The following DNAH14 variants were observed in gnomAD, a reference collection of about 807,000 sequenced individuals.
DNAH14 encodes dynein axonemal heavy chain 14, also known as axonemal beta dynein heavy chain 14.
DNAH14 carries 478 observed loss-of-function variants against 520.9 expected under a neutral mutation model. That is an observed-to-expected ratio of 0.92 (90% CI 0.85 to 0.99). The LOEUF (loss-of-function observed/expected upper bound fraction) is 0.99, where lower values mean the gene tolerates loss of function less well. DNAH14 is among the 50% of genes least tolerant of loss of function. The probability of loss-of-function intolerance (pLI) is 0.00; values close to 1 mark genes in which losing one functional copy is unlikely to be tolerated. For synonymous variants in DNAH14, 1,581 were observed against 1,757.2 expected (o/e 0.90, Z 2.51); for missense variants, 4,831 against 5,234.5 (o/e 0.92, Z 2.38).
chr1:225,044,048 C>T (rs113294407), intron 15 of DNAH14, 65 bp downstream of exon 15: 5 of 917,534 alleles, frequency 5.4e-6, no homozygotes, highest in African/African-American at 5.1e-5. Flanking sequence ...TAAATTTAAG[C>T]ATCTGATGCC....
rs1336108797 is a variant in DNAH14, at chr1:225,305,024, C to T, written c.8940C>T (p.Tyr2980=). ...TTTATTATACCACTCCCAATAGCTA[C>T]TTGCAATTTATGGAAACATTTGCAC... ...GRFYYTTPNS[Y]LQFMETFAHI... Residue 2980 remains tyrosine (Y), a synonymous_variant, in exon 58 of 86, where the codon TAC becomes TAT. Transcript: ENST00000682510. 8.4e-6 allele frequency: 13 copies of T among 1,545,660 alleles called. No homozygotes were observed. Among genetic ancestry groups the T allele is most frequent in the Non-Finnish European group, 1.1e-5 (13 of 1,145,792 alleles).
intron 71 of DNAH14, among the ~76,000 whole-genome samples, chr1:225,349,509 T>G (rs1350964727): frequency 1.3e-5 from 2 of 152,144 alleles, no homozygotes; most frequent in South Asian, 2.1e-4. Flanking sequence ...AGGCATAGAT[T>G]GGCTGAATTA....
At chr1:225,180,187 A>T (rs1364030248) in intron 36 of DNAH14, among the ~76,000 whole-genome samples, 1 of 152,076 alleles carries the variant, frequency 6.6e-6, no homozygotes, top group Non-Finnish European at 1.5e-5. Flanking sequence ...TTATTTCTTG[A>T]TATAAGCATT....
intron 55 of DNAH14, among the ~76,000 whole-genome samples, chr1:225,293,520 A>G (rs936995085): frequency 1.3e-5 from 2 of 152,182 alleles, no homozygotes; most frequent in African/African-American, 2.4e-5. Flanking sequence ...TTGCTGTGAC[A>G]TGGATGGAGC....
At chr1:225,346,821 A>G (rs575589471) in intron 71 of DNAH14, among the ~76,000 whole-genome samples, 167 bp downstream of exon 71, 1 of 152,304 alleles carries the variant, frequency 6.6e-6, no homozygotes, top group Admixed American at 6.5e-5. Context: ...GAATGAATAC[A>G]TAAATGATAA....
chr1:225,203,050 C>T (rs187509767), intron 38 of DNAH14, among the ~76,000 whole-genome samples: 82 of 152,254 alleles, frequency 5.4e-4, no homozygotes, highest in African/African-American at 1.9e-3. Flanking sequence ...CTCAGTATTT[C>T]GGCTGTCTCC....
In DNAH14 at chr1:225,049,874, G is replaced by A. The variant is rs116062857; in HGVS notation, c.1913-336G>A. 4.2e-3 allele frequency among the ~76,000 whole-genome samples: 636 copies of A among 152,152 alleles called. 4 individuals are homozygous for A. The highest frequency in any genetic ancestry group is 0.015 in the African/African-American group (606 of 41,500). ...CTAGACTGTGAACTCTTGAGGCTGT[G>A]TCTCCTGATTTTTATATCCTTGTAA... On this transcript the variant is annotated intron_variant, in intron 15 of 85. Transcript: ENST00000682510.
chr1:224,978,650 CT>C (rs1384953570), intron 8 of DNAH14, among the ~76,000 whole-genome samples: 2 of 151,966 alleles, frequency 1.3e-5, no homozygotes, highest in African/African-American at 4.8e-5. Context: ...TTCTTATTTC[CT>C]TTTTTTAGAG....
intron 42 of DNAH14, among the ~76,000 whole-genome samples, chr1:225,234,878 CTT>C (rs1166351014): frequency 6.6e-6 from 1 of 152,000 alleles, no homozygotes; most frequent in Non-Finnish European, 1.5e-5. Context: ...ATGCTAGTGA[CTT>C]TTGCACATTG....
rs1438580034 is a variant in DNAH14 at position 224,936,700 on chromosome 1, T to C, written c.-34+6865T>C. Among the ~76,000 whole-genome samples, 3 of 151,472 alleles carry C rather than the reference T, an allele frequency of 2.0e-5. 1 individual carries two copies. On this transcript the variant is annotated intron_variant, in intron 1 of 85. Coordinates refer to ENST00000682510, the MANE Select transcript of DNAH14 (RefSeq NM_001367479.1). ...TTCAAGAAAAGTGAAGAGGAGGGAG[T>C]ACTTCCAACCTCATCCTACAAGGCT...
intron 11 of DNAH14, among the ~76,000 whole-genome samples, chr1:225,026,737 T>C (rs750846837): frequency 1.2e-4 from 18 of 152,176 alleles, no homozygotes; most frequent in Non-Finnish European, 2.1e-4. Context: ...GTTTTGGCTA[T>C]TGTGGGTCCC....
intron 8 of DNAH14, among the ~76,000 whole-genome samples, chr1:224,989,151 C>T (rs2062856985): frequency 6.6e-6 from 1 of 152,114 alleles, no homozygotes; most frequent in Non-Finnish European, 1.5e-5. Context: ...AGAGGGCAAT[C>T]TGTTTTACTC....
At chr1:225,128,365 A>G (rs1271786709) in intron 27 of DNAH14, among the ~76,000 whole-genome samples, 2 of 152,152 alleles carry the variant, frequency 1.3e-5, no homozygotes, top group Non-Finnish European at 2.9e-5. Flanking sequence ...CACAACCAAA[A>G]AAGAGAATTT....
At chr1:225,009,183 C>T (rs951833181) in intron 10 of DNAH14, among the ~76,000 whole-genome samples, 8 of 152,248 alleles carry the variant, frequency 5.3e-5, no homozygotes, top group African/African-American at 1.9e-4. Context: ...AGTCTTTGCC[C>T]ATGCCTATGT....
In DNAH14 at chr1:225,389,957, C is replaced by T. The variant is rs117350074; in HGVS notation, c.13330+84C>T. ...CTTCTGTCACTCACCCTTTCCTCCT[C>T]CCCTTTAGGATGACAACACCTGCGC... On this transcript the variant is annotated intron_variant, in intron 83 of 85. Coordinates refer to ENST00000682510, the MANE Select transcript of DNAH14 (RefSeq NM_001367479.1). The T allele has an allele frequency of 6.7e-4, 858 of 1,275,998 alleles. 20 individuals carry two copies. The East Asian group carries it at 0.021, about 31-fold the overall frequency. 79.0% of individuals were successfully genotyped at this position (1,275,998 alleles called of 1,614,324 possible). A position where few individuals can be genotyped will look rare whatever the true frequency, so the allele number is the denominator to read the frequency against.
At chr1:224,986,420 A>G (rs1178678775) in intron 8 of DNAH14, among the ~76,000 whole-genome samples, 1 of 152,084 alleles carries the variant, frequency 6.6e-6, no homozygotes, top group African/African-American at 2.4e-5. Flanking sequence ...TCAACAGCAT[A>G]TTAAAAAGTT....
intron 38 of DNAH14, among the ~76,000 whole-genome samples, chr1:225,196,437 T>C (rs1243514074): frequency 6.6e-6 from 1 of 152,224 alleles, no homozygotes; most frequent in Non-Finnish European, 1.5e-5. Context: ...TTTGGGTTGG[T>C]TTCATGTTTT....
At chr1:225,171,893 C>T (rs1472804955) in intron 36 of DNAH14, among the ~76,000 whole-genome samples, 1 of 152,274 alleles carries the variant, frequency 6.6e-6, no homozygotes, top group South Asian at 2.1e-4. Flanking sequence ...CCGAATCCAG[C>T]AGCACATCAA....
At chr1:225,129,304 T>C (rs1415145397) in intron 27 of DNAH14, among the ~76,000 whole-genome samples, 2 of 152,036 alleles carry the variant, frequency 1.3e-5, no homozygotes, top group East Asian at 1.9e-4. Flanking sequence ...CTTCACAGAA[T>C]TGGAAAAAAC....
Sources: gnomAD v4.1 joint callset for allele counts (sites outside exome capture counted in the v4.1 genomes callset) on GRCh38, gnomAD v4.1.1 for gene constraint, MANE v1.5 for transcripts, NCBI Gene and HGNC (gene_info 2026-07-23, HGNC 2026-07-21) for gene names.